The following TNS3 variants were observed in gnomAD, a reference collection of about 807,000 sequenced individuals.
The protein encoded by TNS3 is tensin-3.
In TNS3, 45 loss-of-function variants were observed where a neutral mutation model predicts 140.9. That is an observed-to-expected ratio of 0.32 (90% CI 0.25 to 0.41). The LOEUF is 0.41. Among genes scored for constraint, TNS3 ranks in the 10% least tolerant of loss-of-function variants. TNS3 has a pLI of 1.00. For synonymous variants in TNS3, 815 were observed against 788.4 expected (o/e 1.03, Z -0.56); for missense variants, 1,716 against 1,906.7 (o/e 0.90, Z 1.86).
At chr7:47,289,430 G>A (rs189270977) in intron 27 of TNS3, among the ~76,000 whole-genome samples, 6 of 152,294 alleles carry the variant, frequency 3.9e-5, no homozygotes, top group African/African-American at 1.4e-4. Flanking sequence ...CATGGCCACA[G>A]AACCACAAGA....
chr7:47,302,138 C>T (rs549825786), intron 23 of TNS3, 48 bp downstream of exon 23: 17 of 1,491,012 alleles, frequency 1.1e-5, no homozygotes, highest in East Asian at 1.1e-4. Context: ...GGCAGCGAAG[C>T]GGGCACTAGG....
intron 16 of TNS3, 23 bp from the exon 17 acceptor site, chr7:47,369,644 G>T: frequency 6.5e-7 from 1 of 1,530,060 alleles, no homozygotes; most frequent in Non-Finnish European, 8.8e-7. Context: ...AAACCGGAGA[G>T]AGGCTTTCAG....
intron 16 of TNS3, 168 bp downstream of exon 16, chr7:47,396,632 A>G: frequency 3.1e-6 from 2 of 646,196 alleles, no homozygotes; most frequent in Non-Finnish European, 5.6e-6. Flanking sequence ...TCTCACGAAG[A>G]CCCTCAAAAC....
chr7:47,548,970 A>G (rs545010061), intron 1 of TNS3, among the ~76,000 whole-genome samples: 2 of 152,174 alleles, frequency 1.3e-5, no homozygotes, highest in South Asian at 4.1e-4. Flanking sequence ...TCTTTCTCTT[A>G]CAGCACACAG....
Position 47,368,391 on chromosome 7 carries a change from C to T in TNS3, c.2255G>A (p.Gly752Asp). Residue 752 changes from glycine (G) to aspartate (D), a missense_variant, in exon 17 of 31, where the codon GGC (glycine) becomes GAC (aspartate). Gly to Asp is a moderately conservative substitution (Grantham distance 94). Coordinates refer to ENST00000311160, the MANE Select transcript of TNS3 (RefSeq NM_022748.12). Reference sequence around the variant, plus strand: ...TTGCCGCCCGGTGGCCCTGCTGGGGCCCTCTCCTGTGTCAGGCAGCCTGCT... The same window carrying T: ...TTGCCGCCCGGTGGCCCTGCTGGGGTCCTCTCCTGTGTCAGGCAGCCTGCT... ...ASSRLPDTGEGPSRATGRQGS... is the reference protein window; with the variant it reads ...ASSRLPDTGEDPSRATGRQGS... 6.7e-7 allele frequency: 1 copy of T among 1,501,194 alleles called. No individual in the cohort carries two copies. Among genetic ancestry groups the T allele is most frequent in the Non-Finnish European group, 8.9e-7 (1 of 1,123,096 alleles). 93.0% of individuals were successfully genotyped at this position (1,501,194 alleles called of 1,614,324 possible). A position where few individuals can be genotyped will look rare whatever the true frequency, so the allele number is the denominator to read the frequency against.
intron 16 of TNS3, among the ~76,000 whole-genome samples, chr7:47,389,531 C>T (rs1229400643): frequency 6.6e-6 from 1 of 152,204 alleles, no homozygotes; most frequent in African/African-American, 2.4e-5. Context: ...CTGTCGGATT[C>T]GAAAAGTAAC....
In TNS3 at chr7:47,349,306, G is replaced by A. The variant is rs74696138; in HGVS notation, c.2282-2950C>T. Reference sequence around the variant, plus strand: ...AAAATGTTCTTACTGTCCCACCTCCGGTGCTTGTGCTCAAATCTGTGTGGC... The same window carrying A: ...AAAATGTTCTTACTGTCCCACCTCCAGTGCTTGTGCTCAAATCTGTGTGGC... On this transcript the variant is annotated intron_variant, in intron 17 of 30. Transcript: ENST00000311160. 5.1e-4 allele frequency among the ~76,000 whole-genome samples: 77 copies of A among 152,316 alleles called. 1 individual carries two copies. The East Asian group carries it at 0.013, about 25-fold the overall frequency.
intron 1 of TNS3, among the ~76,000 whole-genome samples, chr7:47,538,614 T>A (rs187720407): frequency 6.6e-6 from 1 of 152,272 alleles, no homozygotes; most frequent in Admixed American, 6.5e-5. Context: ...GACGTTAACC[T>A]CTCAAGTTCT....
In TNS3 at chr7:47,501,976, A is replaced by C. The variant is rs1046330333; in HGVS notation, c.-115+4931T>G. Among the ~76,000 whole-genome samples the C allele has an allele frequency of 4.6e-4, 70 of 152,216 alleles. 1 individual carries two copies. Among genetic ancestry groups the C allele is most frequent in the African/African-American group, 1.7e-3 (69 of 41,464 alleles). Reference sequence around the variant, plus strand: ...TTAGAGAAGTTGGCCCTGGAGCTGGAGTTCACAAGAGGCATAGTAGGTTCT... The same window carrying C: ...TTAGAGAAGTTGGCCCTGGAGCTGGCGTTCACAAGAGGCATAGTAGGTTCT... On this transcript the variant is annotated intron_variant, in intron 3 of 30. Transcript: ENST00000311160.
At chr7:47,312,987 C>T (rs1015065169) in intron 20 of TNS3, among the ~76,000 whole-genome samples, 6 of 152,184 alleles carry the variant, frequency 3.9e-5, no homozygotes, top group African/African-American at 1.2e-4. Flanking sequence ...GAAACAAAAG[C>T]GAAACAGGGA....
At position 47,339,882 on chromosome 7, in the gene TNS3, C is replaced by T. The variant is rs1679039285; in HGVS notation, c.2650+4873G>A. Among the ~76,000 whole-genome samples the T allele has an allele frequency of 2.0e-5, 3 of 150,746 alleles. No individual in the cohort carries two copies. The South Asian group carries it at 6.3e-4, about 32-fold the overall frequency. On this transcript the variant is annotated intron_variant, in intron 20 of 30. Transcript: ENST00000311160. ...TCCTTCATCAGCATTGTGCAGTTTTCAGCACAGAAGTCTTGTGCATGGTTT... is the reference window on the plus strand; with the variant it reads ...TCCTTCATCAGCATTGTGCAGTTTTTAGCACAGAAGTCTTGTGCATGGTTT...
At chr7:47,320,563 A>C (rs1787676695) in intron 20 of TNS3, among the ~76,000 whole-genome samples, 1 of 152,160 alleles carries the variant, frequency 6.6e-6, no homozygotes, top group Non-Finnish European at 1.5e-5. Context: ...TCTGCGGTGC[A>C]CAGATGGCCA....
chr7:47,501,987 G>A (rs907331343), intron 3 of TNS3, among the ~76,000 whole-genome samples: 1 of 152,160 alleles, frequency 6.6e-6, no homozygotes, highest in Non-Finnish European at 1.5e-5. Flanking sequence ...GTTCACAAGA[G>A]GCATAGTAGG....
At position 47,463,016 on chromosome 7, in the gene TNS3, C is replaced by T. The variant is rs187802607; in HGVS notation, c.-76+18087G>A. Among the ~76,000 whole-genome samples the T allele has an allele frequency of 1.6e-4, 25 of 152,274 alleles. No individual in the cohort carries two copies. The East Asian group carries it at 3.9e-3, about 24-fold the overall frequency. On this transcript the variant is annotated intron_variant, in intron 4 of 30. Coordinates refer to ENST00000311160, the MANE Select transcript of TNS3 (RefSeq NM_022748.12). ...TGCCTAATCAATTACAGTTGATTTT[C>T]GTTATTGGCAGTAGTTGTGTTCTAT... is the stretch of plus-strand genomic sequence containing the variant.
At chr7:47,320,500 C>A (rs1787671464) in intron 20 of TNS3, among the ~76,000 whole-genome samples, 1 of 152,232 alleles carries the variant, frequency 6.6e-6, no homozygotes, top group Admixed American at 6.5e-5. Context: ...AGTCTAGCAG[C>A]TGGAAGTCCA....
At position 47,577,207 on chromosome 7, in the gene TNS3, T is replaced by C. The variant is rs138876035; in HGVS notation, c.-265+4844A>G. ...TTCATCCTTCCTGGGTGCCGACAGG[T>C]TGCCGCTCGCTTGGGCAGCTGGAAG... On this transcript the variant is annotated intron_variant, in intron 1 of 30. Coordinates refer to ENST00000311160, the MANE Select transcript of TNS3 (RefSeq NM_022748.12). 7.0e-3 allele frequency among the ~76,000 whole-genome samples: 1,065 copies of C among 152,298 alleles called. 6 individuals carry two copies. The highest frequency in any genetic ancestry group is 0.024 in the South Asian group (118 of 4,824).
chr7:47,400,767 G>T lies in TNS3; in HGVS notation c.853+18C>A, dbSNP rs759984681. The T allele has an allele frequency of 1.2e-6, 2 of 1,612,412 alleles. No homozygotes were observed. The highest frequency in any genetic ancestry group is 1.7e-6 in the Non-Finnish European group (2 of 1,178,622). On this transcript the variant is annotated intron_variant, in intron 14 of 30. Coordinates refer to ENST00000311160, the MANE Select transcript of TNS3 (RefSeq NM_022748.12). ...CGCAGCTGCCCACAAGCACAGGGCCGCCAGCTCCGCGCCTCACCTTTGCTG... is the reference window on the plus strand; with the variant it reads ...CGCAGCTGCCCACAAGCACAGGGCCTCCAGCTCCGCGCCTCACCTTTGCTG...
At chr7:47,452,040 G>T (rs1796038437) in intron 4 of TNS3, among the ~76,000 whole-genome samples, 1 of 152,182 alleles carries the variant, frequency 6.6e-6, no homozygotes, top group Admixed American at 6.5e-5. Context: ...AGCATTCTTG[G>T]AAGGATTAAA....
At position 47,368,567 on chromosome 7, in the gene TNS3, C is replaced by T. The variant is rs1024622471; in HGVS notation, c.2079G>A (p.Leu693=). ...GCTGCTCGATGGACTGGTCGATGTC[C>T]AGGGTGGGCGAGCCTGGGGAGGGGC... ...STGPSPGSPT[L]DIDQSIEQLN... The change falls in exon 17 of 31, where the codon CTG becomes CTA. Residue 693 remains leucine, a synonymous_variant. Transcript: ENST00000311160. 1 of 1,569,516 alleles carries T rather than the reference C, an allele frequency of 6.4e-7. No homozygotes were observed. The highest frequency in any genetic ancestry group is 1.4e-5 in the African/African-American group (1 of 73,960).
Sources: gnomAD v4.1 joint callset for allele counts (sites outside exome capture counted in the v4.1 genomes callset) on GRCh38, gnomAD v4.1.1 for gene constraint, MANE v1.5 for transcripts, NCBI Gene and HGNC (gene_info 2026-07-23, HGNC 2026-07-21) for gene names.